The following ZNF536 variants were observed in gnomAD, a reference collection of about 807,000 sequenced individuals.
ZNF536 encodes the protein zinc finger protein 536.
Under a neutral mutation model 84.5 loss-of-function variants are expected in ZNF536, and 13 were observed. The ratio of observed to expected loss-of-function variants is 0.15; its 90% CI spans 0.10 to 0.24. The LOEUF is 0.24. Ranked by LOEUF, ZNF536 falls within the 10% of genes least tolerant of loss-of-function variation. The pLI is 1.00. For missense variants in ZNF536, 1,536 were observed against 1,747.5 expected (o/e 0.88, Z 2.16); for synonymous variants, 811 against 742.5 (o/e 1.09, Z -1.50).
intron 2 of ZNF536, among the ~76,000 whole-genome samples, chr19:30,458,376 G>C (rs1297738478): frequency 6.6e-6 from 1 of 151,238 alleles, no homozygotes; most frequent in Admixed American, 6.6e-5. Flanking sequence ...GATTTTAAAG[G>C]GTCTTACCTG....
rs996184416 is a variant in ZNF536 at position 30,673,186 on chromosome 19, C to T, written c.170-37571C>T. Among the ~76,000 whole-genome samples the T allele has an allele frequency of 1.2e-4, 18 of 152,286 alleles. No individual in the cohort carries two copies. In the Middle Eastern group the frequency reaches 0.01, roughly 86 times the overall value. On this transcript the variant is annotated intron_variant, in intron 1 of 1. Transcript: ENST00000592773. ...TCAGCTGTTCCAGCCCGCCTAGGAC[C>T]CTTCCAGGGTGATCTGTATGATCTG...
At chr19:30,683,782 T>G (rs1476082144) in intron 1 of ZNF536, among the ~76,000 whole-genome samples, 2 of 152,144 alleles carry the variant, frequency 1.3e-5, no homozygotes, top group Admixed American at 1.3e-4. Flanking sequence ...AACAGCCTAC[T>G]CAACTATCAC....
At chr19:30,286,457 G>C (rs2045629680) in intron 2 of ZNF536, among the ~76,000 whole-genome samples, 1 of 151,856 alleles carries the variant, frequency 6.6e-6, no homozygotes, top group Non-Finnish European at 1.5e-5. Context: ...CTAGAGGGTG[G>C]GGGAGCAAGG....
intron 2 of ZNF536, among the ~76,000 whole-genome samples, chr19:30,330,252 G>A (rs924815914): frequency 5.9e-5 from 9 of 152,168 alleles, no homozygotes; most frequent in East Asian, 5.8e-4. Context: ...GAAGTTTGTG[G>A]CCAATAGTAT....
chr19:30,532,800 C>A (rs1430300708), intron 2 of ZNF536, among the ~76,000 whole-genome samples: 1 of 152,136 alleles, frequency 6.6e-6, no homozygotes, highest in African/African-American at 2.4e-5. Flanking sequence ...GGCAGCAGCT[C>A]CTTGTAGATT....
rs1568305284 is a variant in ZNF536, at chr19:30,286,548, A to AGAG, written c.-120+2407_-120+2408insGAG. On this transcript the variant is annotated intron_variant, in intron 2 of 5. Coordinates refer to the ZNF536 transcript ENST00000585628. ...ACAGAGACAGAGAGAGAGAGAGAGA[A>AGAG]AGAGAGAGACCGAGAGAGACAGAAA... 1.9e-3 allele frequency among the ~76,000 whole-genome samples: 178 copies of AGAG among 92,618 alleles called. 1 individual carries two copies. The highest frequency in any genetic ancestry group is 7.6e-3 in the African/African-American group (163 of 21,568). 60.8% of individuals were successfully genotyped at this position (92,618 alleles called of 152,430 possible).
intron 2 of ZNF536, among the ~76,000 whole-genome samples, chr19:30,327,071 T>C (rs1028087375): frequency 2.6e-5 from 4 of 152,064 alleles, no homozygotes; most frequent in Non-Finnish European, 5.9e-5. Flanking sequence ...TGAGCCTTGA[T>C]TGCACCACTG....
chr19:30,444,914 A>G lies in ZNF536; in HGVS notation c.1352A>G (p.Gln451Arg), dbSNP rs573921467. 9.9e-6 allele frequency: 16 copies of G among 1,610,978 alleles called. No individual in the cohort carries two copies. The East Asian group carries it at 3.3e-4, about 34-fold the overall frequency. The change falls in exon 2 of 5, where the codon CAG (glutamine) becomes CGG (arginine). Residue 451 changes from glutamine to arginine, a missense_variant. Physicochemically the swap from Gln to Arg is conservative, Grantham distance 43. Coordinates refer to ENST00000355537, the MANE Select transcript of ZNF536 (RefSeq NM_014717.3). The stretch of plus-strand genomic sequence containing the variant: ...AAAGCCGGCCTGAGCGAGCCCAGCC[A>G]GCTCTATGGCAAGGGCGAGCTGCCC... ...PDKAGLSEPS[Q>R]LYGKGELPMK...
At chr19:30,454,419 A>G (rs1182818825) in intron 2 of ZNF536, among the ~76,000 whole-genome samples, 1 of 152,232 alleles carries the variant, frequency 6.6e-6, no homozygotes, top group Non-Finnish European at 1.5e-5. Context: ...ATTCTGGAAC[A>G]TGTTCAACAT....
intron 1 of ZNF536, among the ~76,000 whole-genome samples, chr19:30,388,143 G>A (rs895108837): frequency 8.5e-5 from 13 of 152,228 alleles, no homozygotes; most frequent in Admixed American, 3.9e-4. Flanking sequence ...ACAAGGGTGT[G>A]TCTATAAGAT....
intron 2 of ZNF536, among the ~76,000 whole-genome samples, chr19:30,446,441 C>T (rs1208335668): frequency 6.6e-6 from 1 of 152,048 alleles, no homozygotes; most frequent in African/African-American, 2.4e-5. Flanking sequence ...GCATTCTGCT[C>T]TATCCCTGGG....
intron 1 of ZNF536, among the ~76,000 whole-genome samples, chr19:30,643,994 C>T (rs191335550): frequency 1.5e-3 from 231 of 152,294 alleles, no homozygotes; most frequent in Non-Finnish European, 2.8e-3. Context: ...TTTCACGTTT[C>T]GATCTCTGTT....
chr19:30,325,746 C>T (rs139461287), intron 2 of ZNF536, among the ~76,000 whole-genome samples: 47 of 152,304 alleles, frequency 3.1e-4, no homozygotes, highest in African/African-American at 1.1e-3. Flanking sequence ...GGCCCTGACA[C>T]CAAATCCTGG....
rs57627848 is a variant in ZNF536 at position 30,473,037 on chromosome 19, CAAAA to C, written c.2170+27321_2170+27324del. On this transcript the variant is annotated intron_variant, in intron 2 of 4. Transcript: ENST00000355537. ...TGTAAACCGATCTCTACTAAGAATA[CAAAA>C]AAAAAAAAAAAAAAATTAGCCGGGC... is the stretch of plus-strand genomic sequence containing the variant. Among the ~76,000 whole-genome samples, 196 of 107,330 alleles carry C rather than the reference CAAAA, an allele frequency of 1.8e-3. 3 individuals are homozygous for C. The South Asian group carries it at 0.041, about 23-fold the overall frequency. 70.4% of individuals were successfully genotyped at this position (107,330 alleles called of 152,430 possible).
At chr19:30,343,038 C>T (rs1464216436) in intron 2 of ZNF536, among the ~76,000 whole-genome samples, 1 of 152,190 alleles carries the variant, frequency 6.6e-6, no homozygotes, top group African/African-American at 2.4e-5. Flanking sequence ...CAGGGTGTTC[C>T]AGGGTCTGCA....
chr19:30,530,609 A>T (rs536686737), intron 2 of ZNF536, among the ~76,000 whole-genome samples: 4 of 152,232 alleles, frequency 2.6e-5, no homozygotes, highest in Non-Finnish European at 5.9e-5. Context: ...GGCCTCCCAA[A>T]GTTCTGGGAT....
intron 2 of ZNF536, among the ~76,000 whole-genome samples, chr19:30,469,810 A>T (rs566871184): frequency 6.6e-6 from 1 of 152,006 alleles, no homozygotes; most frequent in Non-Finnish European, 1.5e-5. Context: ...CCAGAGGTGG[A>T]TGGTGCCTGT....
chr19:30,334,855 T>C (rs969385151), intron 2 of ZNF536, among the ~76,000 whole-genome samples: 3 of 152,208 alleles, frequency 2.0e-5, no homozygotes, highest in Non-Finnish European at 4.4e-5. Flanking sequence ...CATTAGATTC[T>C]CATAAGGAGC....
chr19:30,579,624 A>G (rs1568571999), intron 1 of ZNF536, among the ~76,000 whole-genome samples: 2 of 152,118 alleles, frequency 1.3e-5, no homozygotes, highest in Non-Finnish European at 2.9e-5. Context: ...CCACACCCAG[A>G]GTCAGTGTGG....
Sources: gnomAD v4.1 joint callset for allele counts (sites outside exome capture counted in the v4.1 genomes callset) on GRCh38, gnomAD v4.1.1 for gene constraint, MANE v1.5 for transcripts, NCBI Gene and HGNC (gene_info 2026-07-23, HGNC 2026-07-21) for gene names.